Variants in VGLL4 observed in about 807,000 individuals in gnomAD.
The protein encoded by VGLL4 is vestigial like family member 4.
VGLL4 carries 7 observed loss-of-function variants against 21.0 expected under a neutral mutation model. The observed-to-expected ratio is 0.33, with a 90% CI of 0.19 to 0.63. VGLL4 has a LOEUF of 0.63. VGLL4 is among the 20% of genes least tolerant of loss of function. The pLI, the probability that VGLL4 is intolerant of heterozygous loss-of-function variation, is 0.78. For synonymous variants in VGLL4, 222 were observed against 173.2 expected, an observed-to-expected ratio of 1.28 and a Z score of -2.21; for missense variants, 394 against 425.7, an observed-to-expected ratio of 0.93 and a Z score of 0.66.
chr3:11,663,797 A>G (rs1356181029), intron 2 of VGLL4, among the ~76,000 whole-genome samples: 1 of 152,254 alleles, frequency 6.6e-6, no homozygotes, highest in Non-Finnish European at 1.5e-5. Flanking sequence ...CTGTTATTAC[A>G]TACTTTCTTT....
intron 2 of VGLL4, among the ~76,000 whole-genome samples, chr3:11,573,101 G>A (rs931855026): frequency 2.6e-5 from 4 of 151,792 alleles, no homozygotes; most frequent in Non-Finnish European, 5.9e-5. Flanking sequence ...GGGAGGCGGA[G>A]GTTGCAGTGA....
At chr3:11,582,082 C>A (rs953294290) in intron 2 of VGLL4, among the ~76,000 whole-genome samples, 2 of 152,220 alleles carry the variant, frequency 1.3e-5, no homozygotes, top group East Asian at 3.9e-4. Flanking sequence ...TGGCACAAAT[C>A]TGATTGGGAC....
At chr3:11,601,413 G>A (rs1452631904) in intron 2 of VGLL4, among the ~76,000 whole-genome samples, 4 of 152,190 alleles carry the variant, frequency 2.6e-5, no homozygotes, top group Non-Finnish European at 5.9e-5. Flanking sequence ...CTTTACAGAC[G>A]TCTGCTTGGT....
At chr3:11,613,966 G>A (rs563701977) in intron 1 of VGLL4, among the ~76,000 whole-genome samples, 3 of 152,282 alleles carry the variant, frequency 2.0e-5, no homozygotes, top group South Asian at 2.1e-4. Context: ...TGGGTGCTCC[G>A]AATCTGCTCC....
At chr3:11,562,635 GC>G (rs2073124589) in intron 3 of VGLL4, among the ~76,000 whole-genome samples, 1 of 152,230 alleles carries the variant, frequency 6.6e-6, no homozygotes, top group African/African-American at 2.4e-5. Flanking sequence ...GGATTGGTGT[GC>G]ATGGCCTCAG....
chr3:11,619,717 C>T (rs1255859565), intron 1 of VGLL4, among the ~76,000 whole-genome samples: 1 of 152,142 alleles, frequency 6.6e-6, no homozygotes, highest in African/African-American at 2.4e-5. Context: ...CCCCTTATTC[C>T]ACCCCATTCA....
intron 1 of VGLL4, among the ~76,000 whole-genome samples, chr3:11,610,062 C>T (rs1364180977): frequency 6.6e-6 from 1 of 152,146 alleles, no homozygotes; most frequent in Non-Finnish European, 1.5e-5. Flanking sequence ...ATAGCTCGGT[C>T]GGCCAAGCCA....
chr3:11,606,324 T>C (rs757590977), intron 1 of VGLL4, among the ~76,000 whole-genome samples: 3 of 152,078 alleles, frequency 2.0e-5, no homozygotes, highest in Non-Finnish European at 4.4e-5. Flanking sequence ...TGCCAAACCA[T>C]ATCAGATGTC....
intron 1 of VGLL4, among the ~76,000 whole-genome samples, chr3:11,639,447 C>T (rs1406189108): frequency 6.6e-6 from 1 of 152,254 alleles, no homozygotes; most frequent in Non-Finnish European, 1.5e-5. Flanking sequence ...GGACCAGCAA[C>T]TGGCTTCAGA....
At position 11,669,249 on chromosome 3, in the gene VGLL4, G is replaced by A. The variant is rs140781030; in HGVS notation, c.64+33722C>T. Reference sequence around the variant, plus strand: ...AATCTTTAAATTTTCCTCTAAAGCCGGTGTGGTGGTGAGAGCCTGTACTCC... The same window carrying A: ...AATCTTTAAATTTTCCTCTAAAGCCAGTGTGGTGGTGAGAGCCTGTACTCC... On this transcript the variant is annotated intron_variant, in intron 2 of 5. Coordinates refer to the VGLL4 transcript ENST00000273038. Among the ~76,000 whole-genome samples, 1,141 of 152,200 alleles carry A rather than the reference G, an allele frequency of 7.5e-3. 14 individuals carry two copies. Among genetic ancestry groups the A allele is most frequent in the African/African-American group, 0.026 (1,063 of 41,514 alleles).
chr3:11,657,176 C>G (rs1254139423), intron 2 of VGLL4, among the ~76,000 whole-genome samples: 1 of 152,206 alleles, frequency 6.6e-6, no homozygotes, highest in Non-Finnish European at 1.5e-5. Flanking sequence ...GGATGTCCAT[C>G]TCGGCAGCCT....
intron 1 of VGLL4, chr3:11,604,243 G>T: frequency 2.4e-6 from 1 of 417,284 alleles, no homozygotes; most frequent in Non-Finnish European, 3.1e-6. Flanking sequence ...CAGCTTGCCG[G>T]CGCCGGAAGG....
chr3:11,576,685 A>T (rs1575404487), intron 2 of VGLL4, among the ~76,000 whole-genome samples: 1 of 152,194 alleles, frequency 6.6e-6, no homozygotes, highest in African/African-American at 2.4e-5. Flanking sequence ...GTGCTAGTCA[A>T]CCCAGACGTC....
chr3:11,630,420 G>A (rs1314521838), intron 1 of VGLL4, among the ~76,000 whole-genome samples: 2 of 152,154 alleles, frequency 1.3e-5, no homozygotes, highest in African/African-American at 4.8e-5. Context: ...CGAGGCAGGT[G>A]GATCACCTGA....
intron 2 of VGLL4, among the ~76,000 whole-genome samples, chr3:11,580,709 A>C (rs556636737): frequency 6.6e-6 from 1 of 152,252 alleles, no homozygotes; most frequent in Non-Finnish European, 1.5e-5. Flanking sequence ...AAAACAGCCC[A>C]AGTGGTTCAT....
In VGLL4 at chr3:11,719,976, G is replaced by A. The variant is rs1346435628; in HGVS notation, c.-14+418C>T. On this transcript the variant is annotated intron_variant, in intron 1 of 5. Transcript: ENST00000273038. The surrounding 1 kb of genome is among the most constrained non-coding windows in gnomAD (Gnocchi z 4.0). The stretch of plus-strand genomic sequence containing the variant: ...CGCCCCCGCCCCCGAGGCCCCGCCA[G>A]GGGACACAGCGCCGTGCAAATGTAC... Among the ~76,000 whole-genome samples the A allele has an allele frequency of 2.6e-5, 4 of 152,064 alleles. No homozygotes were observed. The highest frequency in any genetic ancestry group is 1.3e-4 in the Admixed American group (2 of 15,276).
intron 1 of VGLL4, among the ~76,000 whole-genome samples, chr3:11,628,762 G>A (rs2075413458): frequency 5.9e-5 from 9 of 152,250 alleles, no homozygotes. Flanking sequence ...AGAGCTTGCA[G>A]TGAGCAGAGA....
At chr3:11,623,417 G>A (rs2075300656) in intron 1 of VGLL4, among the ~76,000 whole-genome samples, 2 of 152,160 alleles carry the variant, frequency 1.3e-5, no homozygotes, top group South Asian at 4.1e-4. Flanking sequence ...CCGCTTATAG[G>A]AGAAGCTGGG....
intron 2 of VGLL4, among the ~76,000 whole-genome samples, chr3:11,693,650 T>C (rs2076564478): frequency 6.6e-6 from 1 of 152,010 alleles, no homozygotes; most frequent in African/African-American, 2.4e-5. Flanking sequence ...GAAAGAAAAC[T>C]CCATACATAT....
Sources: gnomAD v4.1 joint callset for allele counts (sites outside exome capture counted in the v4.1 genomes callset) on GRCh38, gnomAD v4.1.1 for gene constraint, Gnocchi (gnomAD v3.1) non-coding constraint, MANE v1.5 for transcripts, NCBI Gene and HGNC (gene_info 2026-07-23, HGNC 2026-07-21) for gene names.